RPS27A: variants seen among roughly 807,000 people sequenced by gnomAD.
RPS27A encodes ribosomal protein S27a, also known as ubiquitin-ribosomal protein eS31 fusion protein.
RPS27A carries 1 observed loss-of-function variant against 18.9 expected under a neutral mutation model. The ratio of observed to expected loss-of-function variants is 0.05; its 90% CI spans 0.02 to 0.25. The LOEUF (loss-of-function observed/expected upper bound fraction) is 0.25, where lower values mean the gene tolerates loss of function less well. Among genes scored for constraint, RPS27A ranks in the 10% least tolerant of loss-of-function variants. The pLI, the probability that RPS27A is intolerant of heterozygous loss-of-function variation, is 1.00. For missense variants in RPS27A, 123 were observed against 187.4 expected, an observed-to-expected ratio of 0.66 and a Z score of 2.01; for synonymous variants, 77 against 63.7, an observed-to-expected ratio of 1.21 and a Z score of -0.99.
chr2:55,233,733 AT>A, intron 3 of RPS27A: 1 of 475,714 alleles, frequency 2.1e-6, no homozygotes, highest in Non-Finnish European at 3.8e-6. Flanking sequence ...GGTTCAAGTG[AT>A]TTTTGTGCTT....
At chr2:55,234,480 G>T in intron 4 of RPS27A, 1 of 557,498 alleles carries the variant, frequency 1.8e-6, no homozygotes, top group Middle Eastern at 4.9e-4. Context: ...GATTACAGAC[G>T]TGAGCCACTC....
At chr2:55,233,250 G>C in intron 2 of RPS27A, 113 bp from the exon 3 acceptor site, 1 of 902,292 alleles carries the variant, frequency 1.1e-6, no homozygotes, top group Non-Finnish European at 1.8e-6. Flanking sequence ...TAGGTCTCTC[G>C]AGTAGGTCTC....
rs1433031661 is a variant in RPS27A at position 55,233,430 on chromosome 2, T to C, written c.103+13T>C. ...CAGGATAAGGAAGGCAAGTAGTATT[T>C]TGTAGTTAAGAAAACTTAACCTGCG... On this transcript the variant is annotated intron_variant, in intron 3 of 5. Coordinates refer to ENST00000272317, the MANE Select transcript of RPS27A (RefSeq NM_002954.6). 2 of 1,607,994 alleles carry C rather than the reference T, an allele frequency of 1.2e-6. No homozygotes were observed. The highest frequency in any genetic ancestry group is 4.5e-5 in the East Asian group (2 of 44,852).
intron 2 of RPS27A, 27 bp from the exon 3 acceptor site, chr2:55,233,335 CA>C: frequency 6.3e-7 from 1 of 1,589,390 alleles, no homozygotes; most frequent in Non-Finnish European, 8.6e-7. Flanking sequence ...AATGTGTAAC[CA>C]ACATGCTTTC....
chr2:55,235,016 T>G, intron 5 of RPS27A, 54 bp downstream of exon 5: 1 of 1,588,002 alleles, frequency 6.3e-7, no homozygotes, highest in Non-Finnish European at 8.6e-7. Flanking sequence ...TTTGGAAAAC[T>G]TAATCTTTAT....
At chr2:55,233,592 A>C in intron 3 of RPS27A, 175 bp downstream of exon 3, 1 of 641,450 alleles carries the variant, frequency 1.6e-6, no homozygotes, top group Non-Finnish European at 2.8e-6. Flanking sequence ...CTAGATTGGA[A>C]TCCTTGAGGT....
chr2:55,234,264 A>G (rs1375916674), intron 4 of RPS27A, 60 bp downstream of exon 4: 1 of 1,298,558 alleles, frequency 7.7e-7, no homozygotes, highest in African/African-American at 1.5e-5. Context: ...GAAATTTTTT[A>G]TTTTACTTTT....
chr2:55,233,715 G>A (rs1463756055), intron 3 of RPS27A: 1 of 479,894 alleles, frequency 2.1e-6, no homozygotes, highest in Non-Finnish European at 3.8e-6. Context: ...TGCAGCCTCC[G>A]CCTCCCGGGT....
At chr2:55,234,572 T>A in intron 4 of RPS27A, 1 of 567,428 alleles carries the variant, frequency 1.8e-6, no homozygotes, top group African/African-American at 1.9e-5. Context: ...GTAACTCCTA[T>A]ACTGATACTT....
intron 4 of RPS27A, chr2:55,234,489 T>TC (rs1675692405): frequency 1.8e-6 from 1 of 554,336 alleles, no homozygotes; most frequent in African/African-American, 1.9e-5. Flanking sequence ...CGTGAGCCAC[T>TC]CCATGTGGTG....
rs1215170395 is a variant in RPS27A, at chr2:55,234,156, C to A, written c.141C>A (p.Gly47=). The A allele has an allele frequency of 6.2e-7, 1 of 1,613,456 alleles. No individual in the cohort carries two copies. The highest frequency in any genetic ancestry group is 8.5e-7 in the Non-Finnish European group (1 of 1,179,602). ...ATCAGCAGAGACTGATCTTTGCTGG[C>A]AAGCAGCTGGAAGATGGACGTACTT... ...PPDQQRLIFA[G]KQLEDGRTLS... is the part of the protein sequence containing the mutation. The change falls in exon 4 of 6, where the codon GGC becomes GGA. Residue 47 remains glycine (G), a synonymous_variant. Transcript: ENST00000272317.
intron 3 of RPS27A, 175 bp downstream of exon 3, chr2:55,233,592 A>G (rs980504358): frequency 2.3e-5 from 15 of 641,332 alleles, no homozygotes; most frequent in Non-Finnish European, 4.2e-5. Flanking sequence ...CTAGATTGGA[A>G]TCCTTGAGGT....
upstream of RPS27A, chr2:55,232,022 G>A (rs532356664): frequency 6.6e-6 from 1 of 152,418 alleles, no homozygotes; most frequent in South Asian, 2.1e-4. Context: ...CAGTTTGCCT[G>A]GAGCAGGCCA....
rs1445856219 is a variant in RPS27A at position 55,234,947 on chromosome 2, C to T, written c.306C>T (p.Val102=). Residue 102 remains valine (V), a synonymous_variant, in exon 5 of 6, where the codon GTC becomes GTT. Coordinates refer to ENST00000272317, the MANE Select transcript of RPS27A (RefSeq NM_002954.6). ...KHKRKKVKLA[V]LKYYKVDENG... ...AGAGAAAGAAGGTTAAGCTGGCTGT[C>T]CTGAAATATTATAAGGTGAGCCAGT... 1.9e-6 allele frequency: 3 copies of T among 1,613,034 alleles called. No homozygotes were observed. Among genetic ancestry groups the T allele is most frequent in the Non-Finnish European group, 2.5e-6 (3 of 1,179,828 alleles).
At chr2:55,232,942 CTGCTTTCCATGTCT>C in intron 2 of RPS27A, 70 bp downstream of exon 2, 1 of 1,249,234 alleles carries the variant, frequency 8.0e-7, no homozygotes. Flanking sequence ...AGGACCGGCG[CTGCTTTCCATGTCT>C]TAGACCATGA....
chr2:55,232,767 A>C (rs1279909289), intron 1 of RPS27A, 41 bp from the exon 2 acceptor site: 2 of 1,511,126 alleles, frequency 1.3e-6, no homozygotes, highest in African/African-American at 2.7e-5. Flanking sequence ...TTCTCTTGTG[A>C]TCCCTGACCT....
chr2:55,234,255 A>G (rs776969066), intron 4 of RPS27A, 51 bp downstream of exon 4: 40 of 1,377,344 alleles, frequency 2.9e-5, no homozygotes, highest in Non-Finnish European at 4.1e-5. Context: ...GTTATTTTGG[A>G]AATTTTTTAT....
At chr2:55,234,530 A>G in intron 4 of RPS27A, 4 of 545,416 alleles carry the variant, frequency 7.3e-6, no homozygotes, top group South Asian at 6.2e-5. Flanking sequence ...ACAAAAAGGG[A>G]AAATGGCATT....
Position 55,232,691 on chromosome 2 carries a change from T to C in RPS27A, c.-35T>C, listed in dbSNP as rs1345943642. 3.6e-6 allele frequency: 3 copies of C among 834,794 alleles called. No individual in the cohort carries two copies. The highest frequency in any genetic ancestry group is 2.7e-5 in the East Asian group (1 of 37,620). The allele number at this position is 834,794 out of a possible 1,614,324, so 51.7% of individuals were successfully genotyped here. A position where few individuals can be genotyped will look rare whatever the true frequency, so the allele number is the denominator to read the frequency against. On this transcript the variant is annotated 5_prime_UTR_variant, in exon 1 of 6. Coordinates refer to ENST00000272317, the MANE Select transcript of RPS27A (RefSeq NM_002954.6). ...GTGGGCCTGCGCGGCGTTCTTCCTTTTCGATCCGCCATCTGCGGTGGGTGT... is the reference window on the plus strand; with the variant it reads ...GTGGGCCTGCGCGGCGTTCTTCCTTCTCGATCCGCCATCTGCGGTGGGTGT...
Sources: allele counts gnomAD v4.1 joint callset, GRCh38; gene constraint gnomAD v4.1.1; transcripts MANE v1.5; gene names NCBI Gene and HGNC (gene_info 2026-07-23, HGNC 2026-07-21).